The following EPB41L3 variants were observed in gnomAD, a reference collection of about 807,000 sequenced individuals.
EPB41L3 encodes erythrocyte membrane protein band 4.1 like 3.
Under a neutral mutation model 127.1 loss-of-function variants are expected in EPB41L3, and 57 were observed. The ratio of observed to expected loss-of-function variants is 0.45; its 90% CI spans 0.36 to 0.56. The LOEUF (loss-of-function observed/expected upper bound fraction) is 0.56. Ranked by LOEUF, EPB41L3 falls within the 20% of genes least tolerant of loss-of-function variation. The pLI, the probability that EPB41L3 is intolerant of heterozygous loss-of-function variation, is 0.00. For missense variants in EPB41L3, 1,273 were observed against 1,372.2 expected, an observed-to-expected ratio of 0.93 and a Z score of 1.14; for synonymous variants, 572 against 549.5, an observed-to-expected ratio of 1.04 and a Z score of -0.57.
At chr18:5,559,838 C>T (rs116948272) in intron 3 of EPB41L3, among the ~76,000 whole-genome samples, 101 of 152,266 alleles carry the variant, frequency 6.6e-4, no homozygotes, top group Middle Eastern at 3.4e-3. Context: ...TTTCATCTAC[C>T]ACATAATTGA....
At chr18:5,605,945 A>T (rs2094646885) in intron 3 of EPB41L3, among the ~76,000 whole-genome samples, 1 of 152,162 alleles carries the variant, frequency 6.6e-6, no homozygotes, top group Admixed American at 6.5e-5. Flanking sequence ...AAGGAGGAGG[A>T]TGAAAAAAAT....
chr18:5,588,118 A>G (rs1355388350), intron 3 of EPB41L3, among the ~76,000 whole-genome samples: 1 of 152,146 alleles, frequency 6.6e-6, no homozygotes, highest in Non-Finnish European at 1.5e-5. Flanking sequence ...AAAATAATAA[A>G]TCTAACACTG....
chr18:5,517,354 C>T (rs2148758880), intron 1 of EPB41L3, among the ~76,000 whole-genome samples: 1 of 152,244 alleles, frequency 6.6e-6, no homozygotes, highest in African/African-American at 2.4e-5. Flanking sequence ...TTCTGGGTAT[C>T]TCCCCAGAAA....
intron 1 of EPB41L3, among the ~76,000 whole-genome samples, chr18:5,522,641 G>A (rs1477822990): frequency 6.6e-6 from 1 of 152,078 alleles, no homozygotes; most frequent in Non-Finnish European, 1.5e-5. Flanking sequence ...CATGAGAGTT[G>A]AAAGCCTTCA....
At chr18:5,438,358 C>A (rs1190881110) in intron 5 of EPB41L3, among the ~76,000 whole-genome samples, 1 of 152,134 alleles carries the variant, frequency 6.6e-6, no homozygotes, top group Non-Finnish European at 1.5e-5. Flanking sequence ...AAACTTCCTA[C>A]CCTTTTCAGA....
intron 16 of EPB41L3, 147 bp from the exon 17 acceptor site, chr18:5,398,290 A>C: frequency 1.1e-6 from 1 of 909,376 alleles, no homozygotes; most frequent in East Asian, 2.4e-5. Context: ...GGAAACGAAA[A>C]GAATGGGAAA....
chr18:5,630,333 G>C (rs1439151905), upstream of EPB41L3: 2 of 515,928 alleles, frequency 3.9e-6, no homozygotes, highest in Non-Finnish European at 7.7e-6. Flanking sequence ...GCTAGGCGGC[G>C]CTCCCGGCCT....
In EPB41L3 at chr18:5,622,361, T is replaced by C. The variant is rs540375617; in HGVS notation, c.-468+6561A>G. On this transcript the variant is annotated intron_variant, in intron 1 of 21. Transcript: ENST00000545076. Reference sequence around the variant, plus strand: ...TCTTACAACCACTCTGCTAGATGTGTATTACTAAGCTTGTTTTGCAGAAGA... The same window carrying C: ...TCTTACAACCACTCTGCTAGATGTGCATTACTAAGCTTGTTTTGCAGAAGA... 6.6e-5 allele frequency among the ~76,000 whole-genome samples: 10 copies of C among 152,330 alleles called. No individual in the cohort carries two copies. The South Asian group carries it at 2.1e-3, about 32-fold the overall frequency.
At chr18:5,533,620 T>C (rs2093478628) in intron 1 of EPB41L3, among the ~76,000 whole-genome samples, 1 of 152,316 alleles carries the variant, frequency 6.6e-6, no homozygotes, top group South Asian at 2.1e-4. Context: ...CATTTACTCA[T>C]AGAAGCATCT....
At chr18:5,439,801 T>C (rs914234062) in intron 5 of EPB41L3, among the ~76,000 whole-genome samples, 34 of 152,318 alleles carry the variant, frequency 2.2e-4, no homozygotes, top group African/African-American at 7.9e-4. Flanking sequence ...CGCTTGCCAG[T>C]GGTAAGGTTC....
At chr18:5,583,939 G>A (rs1009549764) in intron 3 of EPB41L3, among the ~76,000 whole-genome samples, 1 of 152,126 alleles carries the variant, frequency 6.6e-6, no homozygotes, top group African/African-American at 2.4e-5. Flanking sequence ...CTCCCGAGTA[G>A]CTGGGATTAC....
intron 1 of EPB41L3, among the ~76,000 whole-genome samples, chr18:5,617,563 C>A (rs542477569): frequency 6.4e-4 from 98 of 152,278 alleles, no homozygotes; most frequent in Non-Finnish European, 1.3e-3. Flanking sequence ...CGCGATCCGC[C>A]CGCCTCGGCC....
intron 3 of EPB41L3, among the ~76,000 whole-genome samples, chr18:5,462,407 A>G (rs1225762774): frequency 2.0e-5 from 3 of 152,266 alleles, no homozygotes; most frequent in Admixed American, 6.5e-5. Context: ...TTATTTCTCC[A>G]CAATGGTACC....
At chr18:5,486,567 T>C (rs1403150953) in intron 2 of EPB41L3, among the ~76,000 whole-genome samples, 1 of 151,928 alleles carries the variant, frequency 6.6e-6, no homozygotes, top group Non-Finnish European at 1.5e-5. Flanking sequence ...TAGAAAAAAT[T>C]TGCAAAGTGT....
At chr18:5,618,351 A>G (rs1203062979) in intron 1 of EPB41L3, among the ~76,000 whole-genome samples, 1 of 152,228 alleles carries the variant, frequency 6.6e-6, no homozygotes, top group Non-Finnish European at 1.5e-5. Flanking sequence ...AATATTCAGA[A>G]AGAGAGTGCC....
At chr18:5,483,665 C>T (rs1439924569) in intron 2 of EPB41L3, among the ~76,000 whole-genome samples, 1 of 151,812 alleles carries the variant, frequency 6.6e-6, no homozygotes, top group African/African-American at 2.4e-5. Flanking sequence ...AAAAAAAGAG[C>T]AGATGTAGCT....
At chr18:5,565,250 A>G (rs1439729362) in intron 3 of EPB41L3, among the ~76,000 whole-genome samples, 2 of 150,592 alleles carry the variant, frequency 1.3e-5, no homozygotes, top group Non-Finnish European at 3.0e-5. Context: ...AAAAAAAAAA[A>G]TACATACAAA....
intron 3 of EPB41L3, among the ~76,000 whole-genome samples, chr18:5,604,112 G>C (rs1396769456): frequency 2.0e-5 from 3 of 151,956 alleles, no homozygotes; most frequent in Non-Finnish European, 4.4e-5. Context: ...ACTCAGCCAA[G>C]TTTGATGTAA....
chr18:5,522,675 C>A (rs1482339210), intron 1 of EPB41L3, among the ~76,000 whole-genome samples: 2 of 151,994 alleles, frequency 1.3e-5, no homozygotes, highest in Non-Finnish European at 2.9e-5. Flanking sequence ...ATGTTTTTGA[C>A]CAATGTCTAC....
Sources: gnomAD v4.1 joint callset for allele counts (sites outside exome capture counted in the v4.1 genomes callset) on GRCh38, gnomAD v4.1.1 for gene constraint, MANE v1.5 for transcripts, NCBI Gene and HGNC (gene_info 2026-07-23, HGNC 2026-07-21) for gene names.